C11orf65: variants seen among roughly 807,000 people sequenced by gnomAD.
C11orf65 encodes chromosome 11 open reading frame 65, also known as protein MFI.
In C11orf65, 38 loss-of-function variants were observed where a neutral mutation model predicts 35.3. That is an observed-to-expected ratio of 1.08 (90% CI 0.83 to 1.41). The LOEUF is 1.41. Ranked by LOEUF, C11orf65 falls within the 40% of genes most tolerant of loss-of-function variation. C11orf65 has a pLI of 0.00. For synonymous variants in C11orf65, 105 were observed against 114.4 expected (o/e 0.92, Z 0.53); for missense variants, 370 against 367.1 (o/e 1.01, Z -0.06).
At chr11:108,430,592 C>T (rs989336983) in intron 3 of C11orf65, among the ~76,000 whole-genome samples, 3 of 151,634 alleles carry the variant, frequency 2.0e-5, no homozygotes, top group African/African-American at 7.3e-5. Context: ...ACCTGTAATC[C>T]CAGCACTTTG....
chr11:108,354,107 G>A, intron 2 of C11orf65, among the ~76,000 whole-genome samples: 2 of 123,718 alleles, frequency 1.6e-5, no homozygotes, highest in Non-Finnish European at 1.7e-5. Context: ...ACACACACAC[G>A]GGTTAGAGAT....
chr11:108,431,925 A>G, intron 2 of C11orf65, 87 bp from the exon 3 acceptor site: 7 of 655,240 alleles, frequency 1.1e-5, no homozygotes, highest in Non-Finnish European at 1.7e-5. Flanking sequence ...AAAAACGAAT[A>G]AAGTACCATA....
At chr11:108,364,951 C>T in intron 2 of C11orf65, 4 of 956,258 alleles carry the variant, frequency 4.2e-6, no homozygotes, top group Non-Finnish European at 6.4e-6. Flanking sequence ...ATGAAGTGTG[C>T]ATGATGTTTG....
intron 6 of C11orf65, among the ~76,000 whole-genome samples, chr11:108,405,224 G>A (rs2092518741): frequency 6.6e-6 from 1 of 152,190 alleles, no homozygotes; most frequent in African/African-American, 2.4e-5. Flanking sequence ...CTCTCTTGGT[G>A]TGTAGGCGGT....
chr11:108,444,851 T>C (rs1021069113), intron 2 of C11orf65, among the ~76,000 whole-genome samples: 2 of 152,146 alleles, frequency 1.3e-5, no homozygotes, highest in Non-Finnish European at 2.9e-5. Context: ...TTCCCTTTCC[T>C]AGTCAAAGAA....
chr11:108,359,004 T>C (rs2090381018), intron 2 of C11orf65, among the ~76,000 whole-genome samples: 1 of 151,414 alleles, frequency 6.6e-6, no homozygotes, highest in African/African-American at 2.4e-5. Flanking sequence ...GACTGGCAAA[T>C]TGGATAAAGA....
At chr11:108,332,024 C>A (rs755009196) in intron 3 of C11orf65, 1 of 1,613,846 alleles carries the variant, frequency 6.2e-7, no homozygotes, top group South Asian at 1.1e-5. Context: ...AAACAAAGCT[C>A]TCAGCTTGAT....
intron 2 of C11orf65, among the ~76,000 whole-genome samples, chr11:108,374,351 C>T (rs1028320366): frequency 2.0e-5 from 3 of 147,780 alleles, no homozygotes; most frequent in Non-Finnish European, 3.0e-5. Flanking sequence ...GTTCTGCAGA[C>T]ACCGCTGCTG....
intron 2 of C11orf65, among the ~76,000 whole-genome samples, chr11:108,440,826 A>G (rs994223463): frequency 1.3e-5 from 2 of 152,182 alleles, no homozygotes; most frequent in Non-Finnish European, 2.9e-5. Flanking sequence ...GCCTAGATGA[A>G]AGGGAAAATA....
intron 6 of C11orf65, chr11:108,325,966 G>T (rs1008681022): frequency 3.9e-5 from 58 of 1,472,592 alleles, no homozygotes; most frequent in Non-Finnish European, 5.0e-5. Context: ...AGTCCTCAAT[G>T]AATGGTAGTT....
downstream of C11orf65, among the ~76,000 whole-genome samples, chr11:108,379,821 C>T (rs1396897098): frequency 6.6e-6 from 1 of 151,928 alleles, no homozygotes; most frequent in Non-Finnish European, 1.5e-5. Flanking sequence ...TCAAGCAGGA[C>T]TTGGTGATAA....
chr11:108,428,535 A>G (rs2092940888), intron 3 of C11orf65, among the ~76,000 whole-genome samples: 1 of 152,200 alleles, frequency 6.6e-6, no homozygotes, highest in Non-Finnish European at 1.5e-5. Flanking sequence ...GCTGGAAACC[A>G]TCATTCTCAG....
intron 2 of C11orf65, chr11:108,368,347 A>G: frequency 4.7e-6 from 1 of 213,038 alleles, no homozygotes; most frequent in Admixed American, 5.9e-5. Flanking sequence ...TGACTAAGAT[A>G]GAAAACTGCC....
chr11:108,465,709 G>C (rs1191129214), intron 1 of C11orf65, among the ~76,000 whole-genome samples: 1 of 151,964 alleles, frequency 6.6e-6, no homozygotes, highest in Non-Finnish European at 1.5e-5. Context: ...AAAAGGCTGG[G>C]CGCGGTGGCT....
chr11:108,353,820 G>A lies in C11orf65; in HGVS notation c.227-18528C>T, dbSNP rs759905760. The A allele has an allele frequency of 6.2e-7, 1 of 1,614,032 alleles. No individual in the cohort carries two copies. Among genetic ancestry groups the A allele is most frequent in the South Asian group, 1.1e-5 (1 of 91,072 alleles). On this transcript the variant is annotated intron_variant, in intron 2 of 3. Transcript: ENST00000524755. ...CCTACTCCTGAGACAGTTCCTTTTA[G>A]ACTCACCAGAGATATTGTGGATGGC...
intron 6 of C11orf65, among the ~76,000 whole-genome samples, chr11:108,310,480 G>C (rs80070603): frequency 7.1e-4 from 108 of 152,180 alleles, no homozygotes; most frequent in Admixed American, 3.1e-3. Context: ...AAAGGAATAT[G>C]TAATTCCTGT....
chr11:108,453,626 C>T (rs2093378467), intron 2 of C11orf65, among the ~76,000 whole-genome samples: 1 of 152,160 alleles, frequency 6.6e-6, no homozygotes, highest in Non-Finnish European at 1.5e-5. Flanking sequence ...AATGTTCTTT[C>T]AGACAAGAAG....
chr11:108,379,202 C>A (rs1459702055), downstream of C11orf65, among the ~76,000 whole-genome samples: 2 of 152,064 alleles, frequency 1.3e-5, no homozygotes, highest in African/African-American at 4.8e-5. Context: ...GCACTATTCA[C>A]AATAGCAAAG....
At chr11:108,465,564 A>C (rs2093524414) in intron 1 of C11orf65, among the ~76,000 whole-genome samples, 1 of 152,156 alleles carries the variant, frequency 6.6e-6, no homozygotes, top group Non-Finnish European at 1.5e-5. Context: ...CAGGGAAGGA[A>C]GTTTGGGTTG....
Sources: gnomAD v4.1 joint callset for allele counts (sites outside exome capture counted in the v4.1 genomes callset) on GRCh38, gnomAD v4.1.1 for gene constraint, MANE v1.5 for transcripts, NCBI Gene and HGNC (gene_info 2026-07-23, HGNC 2026-07-21) for gene names.